The following STK32B variants were observed in gnomAD, a reference collection of about 807,000 sequenced individuals.
STK32B encodes serine/threonine kinase 32B, also known as serine/threonine-protein kinase 32B.
Under a neutral mutation model 52.6 loss-of-function variants are expected in STK32B, and 43 were observed. The observed-to-expected ratio is 0.82, with a 90% CI of 0.64 to 1.05. The LOEUF is 1.05. Among genes scored for constraint, STK32B ranks in the 50% least tolerant of loss-of-function variants. STK32B has a pLI of 0.00. For synonymous variants in STK32B, 238 were observed against 204.3 expected (o/e 1.17, Z -1.41); for missense variants, 621 against 534.6 (o/e 1.16, Z -1.59).
upstream of STK32B, among the ~76,000 whole-genome samples, chr4:5,048,042 C>CAGAT (rs888402194): frequency 2.7e-4 from 41 of 152,070 alleles, no homozygotes; most frequent in African/African-American, 9.7e-4. Context: ...TTGGAGCCAC[C>CAGAT]AGATGCTGGA....
chr4:5,449,846 C>A lies in STK32B; in HGVS notation c.666+3070C>A, dbSNP rs1198833800. Among the ~76,000 whole-genome samples, 8 of 152,124 alleles carry A rather than the reference C, an allele frequency of 5.3e-5. No homozygotes were observed. The East Asian group carries it at 1.3e-3, about 26-fold the overall frequency. ...ATGCCTGATGATCTGTCACTGTCTC[C>A]CATCACCCCCAGATGCGACTGCCTA... is the stretch of plus-strand genomic sequence containing the variant. On this transcript the variant is annotated intron_variant, in intron 7 of 11. Transcript: ENST00000282908.
At chr4:5,028,234 A>G in the STK32B span, among the ~76,000 whole-genome samples, 6 of 152,164 alleles carry the variant, frequency 3.9e-5, no homozygotes, top group Admixed American at 1.3e-4. Flanking sequence ...CATGGGCTTA[A>G]GTCATCCTCT....
chr4:5,157,567 A>G lies in STK32B; in HGVS notation c.109-10732A>G, dbSNP rs1445284225. ...AAATGGGCCACGTGGGGATCTGGGG[A>G]AAAGGTCATCACAGACCAAAAGAGC... On this transcript the variant is annotated intron_variant, in intron 2 of 11. Coordinates refer to ENST00000282908, the MANE Select transcript of STK32B (RefSeq NM_018401.3). Among the ~76,000 whole-genome samples, 15 of 152,158 alleles carry G rather than the reference A, an allele frequency of 9.9e-5. 1 individual carries two copies.
chr4:5,232,823 T>C (rs7666071), intron 3 of STK32B, among the ~76,000 whole-genome samples: 150,997 of 152,280 alleles, frequency 0.99, 74,880 homozygotes, highest in East Asian at 1. Context: ...CACCAATAGG[T>C]TCTGTTTATA....
At chr4:5,338,552 T>C (rs1192793065) in intron 4 of STK32B, among the ~76,000 whole-genome samples, 1 of 151,844 alleles carries the variant, frequency 6.6e-6, no homozygotes, top group East Asian at 1.9e-4. Flanking sequence ...AGATGATCCA[T>C]GTGTCCAAAT....
intron 6 of STK32B, among the ~76,000 whole-genome samples, chr4:5,442,672 G>A (rs1383936749): frequency 6.6e-6 from 1 of 151,980 alleles, no homozygotes; most frequent in African/African-American, 2.4e-5. Flanking sequence ...TATTTTGCTC[G>A]TTAGTTGATG....
At chr4:5,457,920 G>A (rs1206435709) in intron 8 of STK32B, among the ~76,000 whole-genome samples, 1 of 139,554 alleles carries the variant, frequency 7.2e-6, no homozygotes, top group African/African-American at 2.5e-5. Context: ...AGGGAGAGAG[G>A]AAGGAAGGAG....
chr4:5,122,221 C>T (rs984092096), intron 1 of STK32B, among the ~76,000 whole-genome samples: 17 of 152,126 alleles, frequency 1.1e-4, no homozygotes, highest in East Asian at 3.9e-4. Context: ...CTCATTCACT[C>T]GCTTATTCAC....
At chr4:5,175,569 C>G (rs1170256617) in intron 3 of STK32B, among the ~76,000 whole-genome samples, 1 of 152,206 alleles carries the variant, frequency 6.6e-6, no homozygotes, top group Non-Finnish European at 1.5e-5. Context: ...GAGGTCCACT[C>G]CAGACCCCGT....
At chr4:5,392,900 G>T (rs77145712) in intron 4 of STK32B, among the ~76,000 whole-genome samples, 1 of 152,170 alleles carries the variant, frequency 6.6e-6, no homozygotes, top group African/African-American at 2.4e-5. Context: ...CTGAAGCACC[G>T]TGTTGGGGGC....
chr4:5,160,910 C>T (rs1429074242), intron 2 of STK32B, among the ~76,000 whole-genome samples: 1 of 152,106 alleles, frequency 6.6e-6, no homozygotes, highest in Non-Finnish European at 1.5e-5. Context: ...GTGAGCACAG[C>T]CTGAAGGAGG....
intron 3 of STK32B, among the ~76,000 whole-genome samples, chr4:5,233,487 A>G (rs1161910149): frequency 1.3e-5 from 2 of 152,114 alleles, no homozygotes; most frequent in African/African-American, 4.8e-5. Context: ...TGGCAGTATC[A>G]ATGAGGTCCA....
intron 4 of STK32B, among the ~76,000 whole-genome samples, chr4:5,357,451 C>A (rs78003614): frequency 0.1 from 15,732 of 151,948 alleles, 1,284 homozygotes; most frequent in Admixed American, 0.22. Context: ...TACAGAACAC[C>A]AAGGAGCAAG....
At chr4:5,343,129 G>A (rs896916271) in intron 4 of STK32B, among the ~76,000 whole-genome samples, 2 of 125,402 alleles carry the variant, frequency 1.6e-5, no homozygotes, top group Non-Finnish European at 3.2e-5. Flanking sequence ...GCACCAGTGT[G>A]TGATATTCCC....
intron 1 of STK32B, among the ~76,000 whole-genome samples, chr4:5,107,499 T>C (rs1490609103): frequency 1.3e-5 from 2 of 152,116 alleles, no homozygotes; most frequent in South Asian, 4.1e-4. Context: ...GATCAGGGAG[T>C]TAGGCAGGGA....
At chr4:5,370,273 G>A (rs539192198) in intron 4 of STK32B, among the ~76,000 whole-genome samples, 8 of 152,280 alleles carry the variant, frequency 5.3e-5, no homozygotes, top group South Asian at 2.1e-4. Context: ...CATCTTGTTC[G>A]CTGTGGTATT....
chr4:5,261,355 A>C (rs1726702492), intron 3 of STK32B, among the ~76,000 whole-genome samples: 1 of 152,224 alleles, frequency 6.6e-6, no homozygotes, highest in Non-Finnish European at 1.5e-5. Flanking sequence ...AGGAGAGACG[A>C]AGGAGGCAGC....
At chr4:5,167,320 G>A (rs1486398993) in intron 2 of STK32B, among the ~76,000 whole-genome samples, 1 of 152,204 alleles carries the variant, frequency 6.6e-6, no homozygotes, top group African/African-American at 2.4e-5. Flanking sequence ...TGGGGCTACA[G>A]CTCCCTCATG....
At chr4:5,087,597 A>T (rs1165120897) in intron 1 of STK32B, among the ~76,000 whole-genome samples, 4 of 152,018 alleles carry the variant, frequency 2.6e-5, no homozygotes, top group Non-Finnish European at 5.9e-5. Flanking sequence ...TAGATAAATG[A>T]TAGAAAAAGA....
Sources: allele counts gnomAD v4.1 joint callset (sites outside exome capture counted in the v4.1 genomes callset), GRCh38; gene constraint gnomAD v4.1.1; transcripts MANE v1.5; gene names NCBI Gene and HGNC (gene_info 2026-07-23, HGNC 2026-07-21).